Variants in P2RY8 observed in about 807,000 individuals in gnomAD.
P2RY8 encodes the protein S-geranylgeranyl-glutathione receptor P2RY8.
A neutral mutation model predicts 10.0 loss-of-function variants in P2RY8; 6 were observed. The observed-to-expected ratio is 0.60, with a 90% confidence interval of 0.33 to 1.19. The LOEUF is 1.19. P2RY8 is among the 50% of genes most tolerant of loss of function. The probability of loss-of-function intolerance (pLI) is 0.04; values close to 1 mark genes in which losing one functional copy is unlikely to be tolerated. For synonymous variants in P2RY8, 276 were observed against 252.5 expected, an observed-to-expected ratio of 1.09 and a Z score of -0.88; for missense variants, 456 against 542.0, an observed-to-expected ratio of 0.84 and a Z score of 1.58.
intron 1 of P2RY8, among the ~76,000 whole-genome samples, chrX:1,483,875 C>T (rs2091961579): frequency 6.8e-6 from 1 of 146,628 alleles, no homozygotes; most frequent in South Asian, 2.1e-4. Flanking sequence ...GCTGGGCTGC[C>T]TTAGACCAAA....
intron 1 of P2RY8, among the ~76,000 whole-genome samples, chrX:1,492,643 C>A (rs2092064724): frequency 6.6e-6 from 1 of 152,140 alleles, no homozygotes; most frequent in African/African-American, 2.4e-5. Context: ...TTGACAATTT[C>A]CACCTTGACT....
chrX:1,478,273 G>GTGTGTGTGTGCGTGTGTGCA (rs539376483), intron 1 of P2RY8, among the ~76,000 whole-genome samples: 1 of 133,568 alleles, frequency 7.5e-6, no homozygotes, highest in Non-Finnish European at 1.6e-5. Flanking sequence ...GTGTGTGTGT[G>GTGTGTGTGTGCGTGTGTGCA]CCCAGCAGGG....
Position 1,462,922 on chromosome X carries a change from GA to G in P2RY8, c.*2556del, listed in dbSNP as rs1347272140. 4.3e-6 allele frequency: 1 copy of G among 232,672 alleles called. No individual in the cohort carries two copies. The highest frequency in any genetic ancestry group is 8.5e-6 in the Non-Finnish European group (1 of 117,830). 14.4% of individuals were successfully genotyped at this position (232,672 alleles called of 1,614,324 possible). A position where few individuals can be genotyped will look rare whatever the true frequency, so the allele number is the denominator to read the frequency against. ...TTCCAGGAAACATCCACGGCTGTAA[GA>G]GGGGGTGTCGGCTGCTCTCCATAGC... is the stretch of plus-strand genomic sequence containing the variant. On this transcript the variant is annotated 3_prime_UTR_variant, in exon 2 of 2. Coordinates refer to ENST00000381297, the MANE Select transcript of P2RY8 (RefSeq NM_178129.5).
At chrX:1,509,795 T>TCCTA (rs1273020781) in intron 1 of P2RY8, among the ~76,000 whole-genome samples, 1 of 70,614 alleles carries the variant, frequency 1.4e-5, no homozygotes, top group African/African-American at 5.7e-5. Flanking sequence ...TATGTATCCA[T>TCCTA]CCTATCTATC....
intron 1 of P2RY8, among the ~76,000 whole-genome samples, chrX:1,501,080 C>A (rs2092174276): frequency 1.3e-5 from 2 of 152,180 alleles, no homozygotes; most frequent in Non-Finnish European, 2.9e-5. Context: ...GGGCTGCTAT[C>A]CAGCCTTCCT....
In P2RY8 at chrX:1,500,914, C is replaced by T. The variant is rs376953268; in HGVS notation, c.-24-34332G>A. On this transcript the variant is annotated intron_variant, in intron 1 of 1. Coordinates refer to ENST00000381297, the MANE Select transcript of P2RY8 (RefSeq NM_178129.5). ...GCTCCGAGGTTCTGGGAGACACAAC[C>T]TCCCCGCCAGAGGGAAATGACCCAT... is the stretch of plus-strand genomic sequence containing the variant. Among the ~76,000 whole-genome samples the T allele has an allele frequency of 9.2e-5, 14 of 152,294 alleles. No individual in the cohort carries two copies. The East Asian group carries it at 2.1e-3, about 23-fold the overall frequency.
At chrX:1,490,322 C>A (rs1233755926) in intron 1 of P2RY8, among the ~76,000 whole-genome samples, 1 of 137,056 alleles carries the variant, frequency 7.3e-6, no homozygotes, top group Admixed American at 7.2e-5. Flanking sequence ...TGAATGATAC[C>A]CCAGATTCAC....
Position 1,464,787 on chromosome X carries a change from GGT to G in P2RY8, c.*690_*691del, listed in dbSNP as rs113109624. ...ATCACCTTGGTCAGCAACAGGGTGGGGTGTGTGTGTGGGGGGAAGTGGGCACG... is the reference window on the plus strand; with the variant it reads ...ATCACCTTGGTCAGCAACAGGGTGGGGTGTGTGTGGGGGGAAGTGGGCACG... On this transcript the variant is annotated 3_prime_UTR_variant, in exon 2 of 2. Transcript: ENST00000381297. The G allele has an allele frequency of 1.3e-5, 3 of 232,652 alleles. No homozygotes were observed. Among genetic ancestry groups the G allele is most frequent in the South Asian group, 1.8e-4 (1 of 5,504 alleles). 14.4% of individuals were successfully genotyped at this position (232,652 alleles called of 1,614,324 possible). A position where few individuals can be genotyped will look rare whatever the true frequency, so the allele number is the denominator to read the frequency against.
intron 1 of P2RY8, among the ~76,000 whole-genome samples, chrX:1,509,809 CTAT>C (rs2092284483): frequency 1.4e-5 from 1 of 73,992 alleles, no homozygotes; most frequent in Admixed American, 1.2e-4. Flanking sequence ...ATCTATCTAT[CTAT>C]CTATCTATCT....
At chrX:1,523,721 C>T (rs1307631963) in intron 1 of P2RY8, among the ~76,000 whole-genome samples, 3 of 152,148 alleles carry the variant, frequency 2.0e-5, no homozygotes, top group Admixed American at 6.6e-5. Flanking sequence ...CTCCCTCTGT[C>T]GTCCAGCCTG....
chrX:1,505,882 A>C (rs1330211322), intron 1 of P2RY8, among the ~76,000 whole-genome samples: 25 of 152,182 alleles, frequency 1.6e-4, no homozygotes, highest in African/African-American at 5.3e-4. Context: ...ACCCCTGTGT[A>C]AAATTCCTTG....
chrX:1,506,327 C>T lies in P2RY8; in HGVS notation c.-25+30594G>A, dbSNP rs182481647. Among the ~76,000 whole-genome samples, 28 of 152,134 alleles carry T rather than the reference C, an allele frequency of 1.8e-4. No homozygotes were observed. The East Asian group carries it at 5.2e-3, about 28-fold the overall frequency. On this transcript the variant is annotated intron_variant, in intron 1 of 1. Coordinates refer to ENST00000381297, the MANE Select transcript of P2RY8 (RefSeq NM_178129.5). ...CTTCTTAAAACATGCTCCCCTGTGC[C>T]CTTCCCCTTCTAAGATGAGCCAGGA... is the stretch of plus-strand genomic sequence containing the variant.
chrX:1,528,818 G>C (rs1444859419), intron 1 of P2RY8, among the ~76,000 whole-genome samples: 3 of 152,126 alleles, frequency 2.0e-5, no homozygotes, highest in Non-Finnish European at 4.4e-5. Context: ...GTGTGGGTTT[G>C]AGTCTCTTTG....
intron 1 of P2RY8, among the ~76,000 whole-genome samples, chrX:1,509,014 C>CTGTCTATCCTGTATGTGTT (rs1327059030): frequency 3.2e-5 from 3 of 92,740 alleles, no homozygotes; most frequent in Non-Finnish European, 6.7e-5. Context: ...ATCCATCCAT[C>CTGTCTATCCTGTATGTGTT]CATCCATCCA....
At position 1,463,959 on chromosome X, in the gene P2RY8, T is replaced by G. The variant is rs1230881719; in HGVS notation, c.*1520A>C. The G allele has an allele frequency of 4.3e-6, 1 of 233,208 alleles. No individual in the cohort carries two copies. The highest frequency in any genetic ancestry group is 6.0e-5 in the East Asian group (1 of 16,608). The allele number at this position is 233,208 out of a possible 1,614,324, so 14.4% of individuals were successfully genotyped here. ...CATGGTCCCATCCTGATGTTCCAGG[T>G]GGACACGGGTTTGGGAATGATAATT... On this transcript the variant is annotated 3_prime_UTR_variant, in exon 2 of 2. Transcript: ENST00000381297.
chrX:1,478,809 G>A (rs573916576), intron 1 of P2RY8, among the ~76,000 whole-genome samples: 1 of 152,218 alleles, frequency 6.6e-6, no homozygotes, highest in South Asian at 2.1e-4. Flanking sequence ...ATAGATAGCA[G>A]GGGCTGGGAA....
chrX:1,484,742 AAAAAAAG>A (rs1569537012), intron 1 of P2RY8, among the ~76,000 whole-genome samples: 2 of 139,680 alleles, frequency 1.4e-5, no homozygotes, highest in South Asian at 5.0e-4. Context: ...AAAAAAAAAA[AAAAAAAG>A]AAGAAGAAGA....
At position 1,465,431 on chromosome X, in the gene P2RY8, T is replaced by TGGATCTCCAAGCTGCGCCCCC. The variant is rs1412559651; in HGVS notation, c.*27_*47dup. Reference sequence around the variant, plus strand: ...GCACCGTGGCCTCTCCATGCGCCCCTGGATCTCCAAGCTGCGCCCCCGGCT... The same window carrying TGGATCTCCAAGCTGCGCCCCC: ...GCACCGTGGCCTCTCCATGCGCCCCTGGATCTCCAAGCTGCGCCCCCGGATCTCCAAGCTGCGCCCCCGGCT... On this transcript the variant is annotated 3_prime_UTR_variant, in exon 2 of 2. Coordinates refer to ENST00000381297, the MANE Select transcript of P2RY8 (RefSeq NM_178129.5). The TGGATCTCCAAGCTGCGCCCCC allele has an allele frequency of 1.3e-6, 2 of 1,552,060 alleles. No individual in the cohort carries two copies. Among genetic ancestry groups the TGGATCTCCAAGCTGCGCCCCC allele is most frequent in the African/African-American group, 2.7e-5 (2 of 73,132 alleles).
chrX:1,494,985 T>C (rs1603457595), intron 1 of P2RY8, among the ~76,000 whole-genome samples: 1 of 74,238 alleles, frequency 1.3e-5, no homozygotes, highest in South Asian at 3.7e-4. Flanking sequence ...CCCAAAGTGC[T>C]GGGATTACGG....
Sources: allele counts gnomAD v4.1 joint callset (sites outside exome capture counted in the v4.1 genomes callset), GRCh38; gene constraint gnomAD v4.1.1; transcripts MANE v1.5; gene names NCBI Gene and HGNC (gene_info 2026-07-23, HGNC 2026-07-21).